MEIOB: variants seen among roughly 807,000 people sequenced by gnomAD.
MEIOB encodes meiosis-specific with OB domain-containing protein.
Under a neutral mutation model 53.1 loss-of-function variants are expected in MEIOB, and 50 were observed. That is an observed-to-expected ratio of 0.94 (90% CI 0.75 to 1.19). MEIOB has a LOEUF of 1.19. Among genes scored for constraint, MEIOB ranks in the 50% most tolerant of loss-of-function variants. The probability of loss-of-function intolerance (pLI) is 0.00; values close to 1 mark genes in which losing one functional copy is unlikely to be tolerated. For missense variants in MEIOB, 551 were observed against 550.8 expected (o/e 1.00, Z 0.00); for synonymous variants, 192 against 182.5 (o/e 1.05, Z -0.42).
At chr16:1,836,676 A>G (rs977485123) in intron 13 of MEIOB, among the ~76,000 whole-genome samples, 3 of 151,494 alleles carry the variant, frequency 2.0e-5, no homozygotes, top group African/African-American at 7.3e-5. Flanking sequence ...AAATGGGAAA[A>G]CCTGCTTATG....
chr16:1,865,819 A>C lies in MEIOB; in HGVS notation c.86T>G (p.Val29Gly). 3.2e-6 allele frequency: 5 copies of C among 1,548,482 alleles called. No individual in the cohort carries two copies. The highest frequency in any genetic ancestry group is 4.4e-6 in the Non-Finnish European group (5 of 1,146,050). ...GCCTTTGACATCTGTTTTCCCAATA[A>C]CTATACCGATAACTTTCTGAAAAAC... ...NMANLKVIGIVIGKTDVKGFP... is the reference protein window; with the variant it reads ...NMANLKVIGIGIGKTDVKGFP... Residue 29 changes from valine (V) to glycine (G), a missense_variant, in exon 3 of 14, where the codon GTT becomes GGT. Transcript: ENST00000325962.
chr16:1,838,237 TG>T, intron 12 of MEIOB: 1 of 418,782 alleles, frequency 2.4e-6, no homozygotes. Flanking sequence ...TGGCCTCAAG[TG>T]ATCCTCCTGC....
At chr16:1,848,426 G>A (rs994545208) in intron 9 of MEIOB, among the ~76,000 whole-genome samples, 1 of 151,982 alleles carries the variant, frequency 6.6e-6, no homozygotes, top group Non-Finnish European at 1.5e-5. Context: ...CATGCCTTCA[G>A]GGAGTGATCT....
intron 9 of MEIOB, among the ~76,000 whole-genome samples, chr16:1,849,191 T>C (rs138033584): frequency 0.18 from 26,643 of 151,486 alleles, 2,478 homozygotes; most frequent in South Asian, 0.26. Flanking sequence ...GAGGCCAAGG[T>C]GGGTGGATCA....
At chr16:1,846,203 A>G (rs1899022821) in intron 9 of MEIOB, among the ~76,000 whole-genome samples, 2 of 152,214 alleles carry the variant, frequency 1.3e-5, no homozygotes, top group Admixed American at 1.3e-4. Context: ...AGAGATATGC[A>G]TCATGAATTG....
At chr16:1,871,449 G>A (rs1005807985) in intron 1 of MEIOB, among the ~76,000 whole-genome samples, 5 of 126,324 alleles carry the variant, frequency 4.0e-5, no homozygotes, top group Non-Finnish European at 8.3e-5. Flanking sequence ...TCGATCTCCT[G>A]ACCTCGTGAT....
intron 6 of MEIOB, among the ~76,000 whole-genome samples, chr16:1,857,168 A>C (rs1311773863): frequency 6.6e-6 from 1 of 152,236 alleles, no homozygotes; most frequent in Non-Finnish European, 1.5e-5. Context: ...AACTTGCTAC[A>C]GTAATTCAGA....
At chr16:1,863,688 T>C (rs1179740348) in intron 3 of MEIOB, among the ~76,000 whole-genome samples, 2 of 151,600 alleles carry the variant, frequency 1.3e-5, no homozygotes, top group African/African-American at 2.4e-5. Flanking sequence ...CAAGGTTTTT[T>C]AGTAGAGGTG....
At chr16:1,847,359 G>A (rs1304476443) in intron 9 of MEIOB, among the ~76,000 whole-genome samples, 1 of 151,942 alleles carries the variant, frequency 6.6e-6, no homozygotes, top group African/African-American at 2.4e-5. Flanking sequence ...CTACTTGGGG[G>A]GCTGAGACAG....
intron 3 of MEIOB, 65 bp from the exon 4 acceptor site, chr16:1,862,181 T>G: frequency 7.5e-7 from 1 of 1,329,484 alleles, no homozygotes; most frequent in Non-Finnish European, 1.0e-6. Context: ...TGCCTTTTGA[T>G]AAGTGTTACA....
intron 6 of MEIOB, among the ~76,000 whole-genome samples, chr16:1,854,832 T>TAA (rs535655501): frequency 2.9e-5 from 4 of 138,120 alleles, no homozygotes; most frequent in African/African-American, 8.0e-5. Flanking sequence ...TAAAGCAAGT[T>TAA]AAAAAAAAAA....
At chr16:1,842,027 G>T (rs1403599631) in intron 10 of MEIOB, 54 bp from the exon 11 acceptor site, 3 of 1,226,832 alleles carry the variant, frequency 2.4e-6, no homozygotes, top group African/African-American at 3.1e-5. Context: ...AAATATAAAA[G>T]GTTACATCCG....
At chr16:1,865,398 C>T (rs1048225401) in intron 3 of MEIOB, among the ~76,000 whole-genome samples, 20 of 151,030 alleles carry the variant, frequency 1.3e-4, no homozygotes, top group African/African-American at 4.9e-4. Flanking sequence ...TGCCATTGCA[C>T]TCCAGCCTGA....
chr16:1,842,972 A>C (rs1251527365), intron 10 of MEIOB, among the ~76,000 whole-genome samples: 1 of 85,842 alleles, frequency 1.2e-5, no homozygotes, highest in African/African-American at 4.4e-5. Flanking sequence ...ACACTGACTC[A>C]ATTTTTTAAA....
intron 6 of MEIOB, among the ~76,000 whole-genome samples, chr16:1,855,593 A>G (rs1256550844): frequency 6.6e-6 from 1 of 152,188 alleles, no homozygotes; most frequent in African/African-American, 2.4e-5. Context: ...TTATACTACT[A>G]TATTCATTCA....
chr16:1,857,329 T>C (rs1899333111), intron 6 of MEIOB, among the ~76,000 whole-genome samples: 1 of 152,202 alleles, frequency 6.6e-6, no homozygotes, highest in African/African-American at 2.4e-5. Flanking sequence ...CCCTGGTTGC[T>C]GGGCAGCTCT....
At chr16:1,850,447 C>T (rs1172637685) in intron 9 of MEIOB, among the ~76,000 whole-genome samples, 7 of 151,854 alleles carry the variant, frequency 4.6e-5, no homozygotes, top group South Asian at 2.1e-4. Context: ...GGCATGGTAG[C>T]GGGCACCTGG....
intron 6 of MEIOB, among the ~76,000 whole-genome samples, chr16:1,857,471 C>G (rs1006970340): frequency 6.6e-6 from 1 of 152,222 alleles, no homozygotes; most frequent in Non-Finnish European, 1.5e-5. Flanking sequence ...ATAAAAAGTT[C>G]TCCTATAGTT....
chr16:1,862,576 C>A (rs562471098), intron 3 of MEIOB, among the ~76,000 whole-genome samples: 3 of 152,288 alleles, frequency 2.0e-5, no homozygotes, highest in South Asian at 4.1e-4. Context: ...ACTGTGATTG[C>A]CCCACTGCTC....
Sources: allele counts gnomAD v4.1 joint callset (sites outside exome capture counted in the v4.1 genomes callset), GRCh38; gene constraint gnomAD v4.1.1; transcripts MANE v1.5; gene names NCBI Gene and HGNC (gene_info 2026-07-23, HGNC 2026-07-21).